Variants in SYT3 observed in about 807,000 individuals in gnomAD.
SYT3 encodes the protein synaptotagmin-3.
In SYT3, 25 loss-of-function variants were observed where a neutral mutation model predicts 50.6. The observed-to-expected ratio is 0.49, with a 90% CI of 0.36 to 0.69. SYT3 has a LOEUF of 0.69. SYT3 is among the 30% of genes least tolerant of loss of function. The pLI is 0.00. For synonymous variants in SYT3, 323 were observed against 353.9 expected (o/e 0.91, Z 0.98); for missense variants, 589 against 793.6 (o/e 0.74, Z 3.10).
In SYT3 at chr19:50,637,566, G is replaced by T; in HGVS notation, c.-15-140C>A. On this transcript the variant is annotated intron_variant, in intron 2 of 10. Coordinates refer to ENST00000600079, the MANE Select transcript of SYT3 (RefSeq NM_001160329.2). This position sits in a 1 kb window ranked among gnomAD's most constrained non-coding sequence, Gnocchi z 4.9. ...AAGGGGACAGAGATTAGGGGCAGAT[G>T]GATTAGGGATGGAGATTCGAGGAAG... 1 of 658,770 alleles carries T rather than the reference G, an allele frequency of 1.5e-6. No homozygotes were observed. The allele number at this position is 658,770 out of a possible 1,614,324, so 40.8% of individuals were successfully genotyped here. A position where few individuals can be genotyped will look rare whatever the true frequency, so the allele number is the denominator to read the frequency against.
At position 50,623,762 on chromosome 19, in the gene SYT3, C is replaced by A. The variant is rs892083824; in HGVS notation, c.1708-1007G>T. On this transcript the variant is annotated intron_variant, in intron 9 of 10. Coordinates refer to ENST00000600079, the MANE Select transcript of SYT3 (RefSeq NM_001160329.2). ...AGGTTGCAGTGAGCCAAGACTGCAA[C>A]ACTGCACTCCAGCCTGGGTGACAGA... Among the ~76,000 whole-genome samples the A allele has an allele frequency of 5.9e-5, 9 of 151,394 alleles. No homozygotes were observed. The East Asian group carries it at 1.2e-3, about 20-fold the overall frequency.
chr19:50,630,155 G>A lies in SYT3; in HGVS notation c.691C>T (p.Arg231Ter), dbSNP rs750487782. ...GTCAGAGTCTGCTGGGTGAGGGGTC[G>A]GGGCAGGGCTGGGTACCTGTAGGGG... Reference protein sequence around the residue: ...APTTRYPALPRPLTQQTLTSQ... With the variant: ...APTTRYPALP Residue 231 changes from arginine to a stop codon, truncating the protein, a stop_gained, in exon 5 of 11, where the codon CGA (arginine) becomes TGA (stop). Transcript: ENST00000600079. LOFTEE classifies it high-confidence loss of function. The A allele has an allele frequency of 6.4e-6, 10 of 1,568,750 alleles. 1 individual carries two copies. Among genetic ancestry groups the A allele is most frequent in the Non-Finnish European group, 4.3e-6 (5 of 1,157,814 alleles).
intron 6 of SYT3, 98 bp from the exon 7 acceptor site, chr19:50,626,115 C>T: frequency 6.8e-7 from 1 of 1,480,654 alleles, no homozygotes; most frequent in Non-Finnish European, 9.0e-7. Flanking sequence ...TACACCCTGA[C>T]ATCCAGGGCT....
chr19:50,644,759 G>A (rs73042524), upstream of SYT3, among the ~76,000 whole-genome samples: 21,817 of 152,022 alleles, frequency 0.14, 1,777 homozygotes, highest in South Asian at 0.18. Context: ...AGGGTTGGGT[G>A]GATGGATGGA....
At chr19:50,623,421 A>G (rs1983919544) in intron 9 of SYT3, among the ~76,000 whole-genome samples, 2 of 152,048 alleles carry the variant, frequency 1.3e-5, no homozygotes, top group Non-Finnish European at 2.9e-5. Flanking sequence ...ATGTGGTGAA[A>G]GTTTCACCCA....
intron 5 of SYT3, 73 bp from the exon 6 acceptor site, chr19:50,629,585 C>T (rs1984204715): frequency 4.8e-6 from 4 of 826,768 alleles, no homozygotes; most frequent in African/African-American, 1.9e-5. Flanking sequence ...AGGAGTCCAG[C>T]CCCCAGCCCC....
upstream of SYT3, among the ~76,000 whole-genome samples, chr19:50,642,140 C>T (rs949705184): frequency 1.3e-5 from 2 of 152,174 alleles, no homozygotes; most frequent in African/African-American, 4.8e-5. Context: ...GTGTTTACAT[C>T]CAGGGAAGCA....
At chr19:50,650,294 T>C in the SYT3 span, among the ~76,000 whole-genome samples, 2 of 152,256 alleles carry the variant, frequency 1.3e-5, no homozygotes, top group Admixed American at 6.5e-5. Flanking sequence ...CTCTGTGCTG[T>C]AGCACAGCTC....
At chr19:50,638,619 G>A (rs1984570056) in intron 2 of SYT3, among the ~76,000 whole-genome samples, 2 of 152,154 alleles carry the variant, frequency 1.3e-5, no homozygotes, top group Admixed American at 6.5e-5. Context: ...ATTCACGGGG[G>A]CTTGAGAGAC....
the SYT3 span, among the ~76,000 whole-genome samples, chr19:50,655,648 C>CAA: frequency 0.054 from 7,214 of 133,498 alleles, 186 homozygotes; most frequent in African/African-American, 0.072. Context: ...GACTCTGTCT[C>CAA]AAAAAAAAAA....
rs1369658558 is a variant in SYT3 at position 50,632,010 on chromosome 19, C to T, written c.674+276G>A. ...TCCAACCTTATTCTCCTCTACTTTC[C>T]TGTCCTAAGTCCTGCCCCCAGTCTC... On this transcript the variant is annotated intron_variant, in intron 4 of 10. Transcript: ENST00000600079. This position sits in a 1 kb window ranked among gnomAD's most constrained non-coding sequence, Gnocchi z 4.7. Among the ~76,000 whole-genome samples, 1 of 152,134 alleles carries T rather than the reference C, an allele frequency of 6.6e-6. No individual in the cohort carries two copies. Among genetic ancestry groups the T allele is most frequent in the Admixed American group, 6.5e-5 (1 of 15,268 alleles).
chr19:50,632,620 C>T lies in SYT3; in HGVS notation c.340G>A (p.Gly114Arg), dbSNP rs762608374. 3.2e-5 allele frequency: 50 copies of T among 1,578,460 alleles called. No individual in the cohort carries two copies. Among genetic ancestry groups the T allele is most frequent in the African/African-American group, 4.0e-5 (3 of 74,418 alleles). ...CCCAGGCCAGCCGCCAGGTGGTGCC[C>T]GCCTCCGCCTACCAGGCCTGCCAGC... The part of the protein sequence containing the change: ...VGLAGLVGGG[G>R]HHLAAGLGGH... The change falls in exon 4 of 11, where the codon GGG (glycine) becomes AGG (arginine). Residue 114 changes from glycine to arginine, a missense_variant. Gly to Arg is a moderately radical substitution (Grantham distance 125). Transcript: ENST00000600079. This position sits in a 1 kb window ranked among gnomAD's most constrained non-coding sequence, Gnocchi z 4.7.
At chr19:50,651,020 T>C in the SYT3 span, among the ~76,000 whole-genome samples, 4 of 152,236 alleles carry the variant, frequency 2.6e-5, no homozygotes, top group African/African-American at 4.8e-5. Context: ...CTTTGCAGCG[T>C]TGTGGAACCA....
At chr19:50,645,175 C>T in the SYT3 span, among the ~76,000 whole-genome samples, 2 of 152,182 alleles carry the variant, frequency 1.3e-5, no homozygotes, top group African/African-American at 2.4e-5. Flanking sequence ...ACCACTGCGG[C>T]GCTGACAGTA....
At chr19:50,655,935 C>A in the SYT3 span, 1 of 987,320 alleles carries the variant, frequency 1.0e-6, no homozygotes, top group Non-Finnish European at 1.5e-6. Flanking sequence ...AACTCAACAT[C>A]TGGCATACAA....
At chr19:50,627,142 C>T (rs547021480) in intron 6 of SYT3, among the ~76,000 whole-genome samples, 8 of 152,328 alleles carry the variant, frequency 5.3e-5, no homozygotes, top group Admixed American at 5.2e-4. Context: ...CCAACCTGGC[C>T]TAGCCCTGCG....
chr19:50,633,833 G>A (rs1012843736), intron 3 of SYT3, among the ~76,000 whole-genome samples: 3 of 152,200 alleles, frequency 2.0e-5, no homozygotes, highest in African/African-American at 7.2e-5. Context: ...ACTGAGGTCT[G>A]TATACCCATA....
intron 3 of SYT3, among the ~76,000 whole-genome samples, chr19:50,634,414 G>A (rs1984425503): frequency 6.6e-6 from 1 of 152,094 alleles, no homozygotes; most frequent in African/African-American, 2.4e-5. Context: ...AGTGGTGTGT[G>A]ACATTAATCC....
chr19:50,625,104 T>A lies in SYT3; in HGVS notation c.1707+58A>T. ...ACATGCAGGGCGTTCGTTGCATGGA[T>A]GAAGGGGCCGAGGGTGCACGGGTGC... is the stretch of plus-strand genomic sequence containing the variant. On this transcript the variant is annotated intron_variant, in intron 9 of 10. Transcript: ENST00000600079. This position sits in a 1 kb window ranked among gnomAD's most constrained non-coding sequence, Gnocchi z 7.5. The A allele has an allele frequency of 6.9e-7, 1 of 1,458,114 alleles. No homozygotes were observed. The highest frequency in any genetic ancestry group is 9.1e-7 in the Non-Finnish European group (1 of 1,103,370). 90.3% of individuals were successfully genotyped at this position (1,458,114 alleles called of 1,614,324 possible). A position where few individuals can be genotyped will look rare whatever the true frequency, so the allele number is the denominator to read the frequency against.
Sources: gnomAD v4.1 joint callset for allele counts (sites outside exome capture counted in the v4.1 genomes callset) on GRCh38, gnomAD v4.1.1 for gene constraint, Gnocchi (gnomAD v3.1) non-coding constraint, MANE v1.5 for transcripts, NCBI Gene and HGNC (gene_info 2026-07-23, HGNC 2026-07-21) for gene names.